UIMC1: variants seen among roughly 807,000 people sequenced by gnomAD.
The protein encoded by UIMC1 is BRCA1-A complex subunit RAP80.
In UIMC1, 42 loss-of-function variants were observed where a neutral mutation model predicts 84.9. The ratio of observed to expected loss-of-function variants is 0.49; its 90% CI spans 0.39 to 0.64. The LOEUF (loss-of-function observed/expected upper bound fraction) is 0.64, where lower values mean the gene tolerates loss of function less well. Among genes scored for constraint, UIMC1 ranks in the 30% least tolerant of loss-of-function variants. The pLI is 0.00. For synonymous variants in UIMC1, 281 were observed against 293.0 expected (o/e 0.96, Z 0.42); for missense variants, 825 against 847.6 (o/e 0.97, Z 0.33).
intron 1 of UIMC1, among the ~76,000 whole-genome samples, chr5:176,984,372 T>G (rs867979207): frequency 0.013 from 850 of 66,434 alleles, 6 homozygotes; most frequent in Middle Eastern, 0.029. Context: ...CTGCCCGGCC[T>G]CCCCGTCTGG....
chr5:177,019,070 C>T (rs183179219), intron 1 of UIMC1, among the ~76,000 whole-genome samples: 1 of 152,112 alleles, frequency 6.6e-6, no homozygotes, highest in African/African-American at 2.4e-5. Context: ...CATAGTGAGA[C>T]CCCGTCTCTA....
intron 1 of UIMC1, among the ~76,000 whole-genome samples, chr5:177,001,788 A>G (rs976945665): frequency 3.3e-5 from 5 of 151,576 alleles, no homozygotes; most frequent in African/African-American, 1.2e-4. Context: ...AAAAAAAAAA[A>G]AAATACAAAA....
chr5:177,013,629 A>G (rs1351297186), intron 1 of UIMC1, among the ~76,000 whole-genome samples: 2 of 152,238 alleles, frequency 1.3e-5, no homozygotes, highest in Admixed American at 1.3e-4. Context: ...TATAACTTCC[A>G]GTTAAAGGAA....
intron 1 of UIMC1, among the ~76,000 whole-genome samples, chr5:177,003,601 C>G (rs1021488409): frequency 6.6e-6 from 1 of 152,074 alleles, no homozygotes; most frequent in South Asian, 2.1e-4. Flanking sequence ...TGCAGTGAGC[C>G]AAGACTGCGC....
At chr5:176,951,628 T>A in intron 8 of UIMC1, 51 bp from the exon 9 acceptor site, 1 of 1,422,726 alleles carries the variant, frequency 7.0e-7, no homozygotes, top group Non-Finnish European at 9.5e-7. Context: ...TGTGTTTTCA[T>A]AATTAAAAAA....
intron 2 of UIMC1, among the ~76,000 whole-genome samples, chr5:176,981,696 G>C (rs1771080934): frequency 6.6e-6 from 1 of 152,054 alleles, no homozygotes; most frequent in African/African-American, 2.4e-5. Context: ...AACTACATGG[G>C]AGGCTGAGGT....
intron 10 of UIMC1, among the ~76,000 whole-genome samples, chr5:176,914,100 A>AC (rs1760669949): frequency 6.6e-6 from 1 of 152,120 alleles, no homozygotes; most frequent in East Asian, 1.9e-4. Flanking sequence ...ACCATACCAT[A>AC]CAATGTTACC....
chr5:177,011,953 A>C (rs896453251), intron 1 of UIMC1, among the ~76,000 whole-genome samples: 1 of 152,034 alleles, frequency 6.6e-6, no homozygotes, highest in Admixed American at 6.6e-5. Flanking sequence ...GGCGCCCGCC[A>C]CCACGCCCAG....
chr5:176,959,384 G>A (rs35627272), intron 6 of UIMC1, among the ~76,000 whole-genome samples: 1 of 152,198 alleles, frequency 6.6e-6, no homozygotes, highest in African/African-American at 2.4e-5. Context: ...CTCTGCCTTA[G>A]GCTAAAGCAT....
At chr5:176,906,398 T>C (rs538168674) in intron 13 of UIMC1, among the ~76,000 whole-genome samples, 3 of 152,338 alleles carry the variant, frequency 2.0e-5, no homozygotes, top group East Asian at 1.9e-4. Context: ...TGCCTTTTTA[T>C]AGTCATCAGA....
intron 14 of UIMC1, 68 bp from the exon 15 acceptor site, chr5:176,905,560 G>GTATCAGGGGATTTTACA: frequency 7.2e-7 from 1 of 1,396,482 alleles, no homozygotes; most frequent in Non-Finnish European, 9.9e-7. Flanking sequence ...GCTATGCACT[G>GTATCAGGGGATTTTACA]TATCAGGGGA....
chr5:176,927,307 G>A (rs1301024983), intron 10 of UIMC1, among the ~76,000 whole-genome samples: 1 of 151,334 alleles, frequency 6.6e-6, no homozygotes, highest in African/African-American at 2.4e-5. Flanking sequence ...AGGCTGGAGT[G>A]CAATGAGGCA....
chr5:176,973,199 A>G (rs1167864333), intron 3 of UIMC1, among the ~76,000 whole-genome samples: 1 of 152,210 alleles, frequency 6.6e-6, no homozygotes, highest in African/African-American at 2.4e-5. Context: ...CACAGGCATG[A>G]GCCACTGGGC....
intron 10 of UIMC1, among the ~76,000 whole-genome samples, chr5:176,932,547 A>AG (rs1376150830): frequency 1.5e-3 from 234 of 152,110 alleles, no homozygotes; most frequent in African/African-American, 5.2e-3. Context: ...ACAGACAGAC[A>AG]AACATCAGCA....
chr5:176,946,382 C>A (rs10052376), intron 9 of UIMC1, among the ~76,000 whole-genome samples: 1 of 151,880 alleles, frequency 6.6e-6, no homozygotes, highest in East Asian at 1.9e-4. Context: ...CGTGGTGGCA[C>A]GCACCTATAA....
rs182158058 is a variant in UIMC1, at chr5:176,911,193, G to A, written c.1676+118C>T. 7.6e-5 allele frequency: 51 copies of A among 670,014 alleles called. No individual in the cohort carries two copies. In the African/African-American group the frequency reaches 8.2e-4, roughly 11 times the overall value. The allele number at this position is 670,014 out of a possible 1,614,324, so 41.5% of individuals were successfully genotyped here. A position where few individuals can be genotyped will look rare whatever the true frequency, so the allele number is the denominator to read the frequency against. ...AAGAAAAGAAAATTCAGGCATCCAAGCAATGAAGCAATTGGCAGGCCAAAG... is the reference window on the plus strand; with the variant it reads ...AAGAAAAGAAAATTCAGGCATCCAAACAATGAAGCAATTGGCAGGCCAAAG... On this transcript the variant is annotated intron_variant, in intron 11 of 14. Transcript: ENST00000511320.
At chr5:177,020,802 T>G (rs1319213494) in intron 1 of UIMC1, among the ~76,000 whole-genome samples, 1 of 152,226 alleles carries the variant, frequency 6.6e-6, no homozygotes, top group Non-Finnish European at 1.5e-5. Context: ...CCTGTCTTGT[T>G]CACCACTATA....
At chr5:176,908,311 T>C (rs1464005974) in intron 12 of UIMC1, among the ~76,000 whole-genome samples, 3 of 152,254 alleles carry the variant, frequency 2.0e-5, no homozygotes, top group Non-Finnish European at 4.4e-5. Flanking sequence ...TGATTATTTA[T>C]ATTTTTTTGA....
In UIMC1 at chr5:176,907,119, G is replaced by T; in HGVS notation, c.1907C>A (p.Thr636Asn). ...ACTGGTCCTGGGGTCCTCACCTGAA[G>T]TCTTGTGCTCAGACTGTTCCAAGAA... ...LSFLEQSEHKTSDADIKSSET... is the reference protein window; with the variant it reads ...LSFLEQSEHKNSDADIKSSET... The change falls in exon 13 of 15, where the codon ACT becomes AAT. Residue 636 changes from threonine to asparagine, a missense_variant. Physicochemically the swap from Thr to Asn is moderately conservative, Grantham distance 65. Coordinates refer to ENST00000511320, the MANE Select transcript of UIMC1 (RefSeq NM_001199298.2). 2 of 1,613,854 alleles carry T rather than the reference G, an allele frequency of 1.2e-6. No individual in the cohort carries two copies. The highest frequency in any genetic ancestry group is 1.7e-6 in the Non-Finnish European group (2 of 1,179,856).
Sources: allele counts gnomAD v4.1 joint callset (sites outside exome capture counted in the v4.1 genomes callset), GRCh38; gene constraint gnomAD v4.1.1; transcripts MANE v1.5; gene names NCBI Gene and HGNC (gene_info 2026-07-23, HGNC 2026-07-21).